Variants in SAP130 observed in about 807,000 individuals in gnomAD.
SAP130 encodes Sin3A associated protein 130, also known as histone deacetylase complex subunit SAP130.
In SAP130, 16 loss-of-function variants were observed where a neutral mutation model predicts 103.2. The ratio of observed to expected loss-of-function variants is 0.16; its 90% CI spans 0.10 to 0.24. SAP130 has a LOEUF of 0.24. Ranked by LOEUF, SAP130 falls within the 10% of genes least tolerant of loss-of-function variation. The probability of loss-of-function intolerance (pLI) is 1.00; values close to 1 mark genes in which losing one functional copy is unlikely to be tolerated. For missense variants in SAP130, 990 were observed against 1,359.7 expected, an observed-to-expected ratio of 0.73 and a Z score of 4.28; for synonymous variants, 477 against 497.0, an observed-to-expected ratio of 0.96 and a Z score of 0.53.
chr2:128,027,318 C>G (rs1685588386), intron 1 of SAP130: 1 of 1,157,720 alleles, frequency 8.6e-7, no homozygotes, highest in African/African-American at 1.6e-5. Context: ...CCCCTGCCTC[C>G]CCCGCCCGCC....
At position 127,989,333 on chromosome 2, in the gene SAP130, G is replaced by A. The variant is rs2105009647; in HGVS notation, c.1780+231C>T. 6.6e-6 allele frequency among the ~76,000 whole-genome samples: 1 copy of A among 152,038 alleles called. No individual in the cohort carries two copies. Among genetic ancestry groups the A allele is most frequent in the Admixed American group, 6.5e-5 (1 of 15,270 alleles). On this transcript the variant is annotated intron_variant, in intron 13 of 20. Coordinates refer to ENST00000643581, the MANE Select transcript of SAP130 (RefSeq NM_001330301.2). This position sits in a 1 kb window ranked among gnomAD's most constrained non-coding sequence, Gnocchi z 4.6. ...TGGATAGTCTTGATCTCCTGACCTC[G>A]TGATCCACCCGCCTCAGCCTCCCAA...
intron 15 of SAP130, among the ~76,000 whole-genome samples, chr2:127,959,353 A>G (rs534709930): frequency 2.2e-4 from 33 of 152,358 alleles, no homozygotes; most frequent in African/African-American, 7.9e-4. Flanking sequence ...AAAATCCTGT[A>G]GACAATAATT....
In SAP130 at chr2:128,016,426, G is replaced by C. The variant is rs1384923614; in HGVS notation, c.470C>G (p.Ala157Gly). The change falls in exon 4 of 21, where the codon GCT (alanine) becomes GGT (glycine). Residue 157 changes from alanine (A) to glycine (G), a missense_variant. Ala to Gly is a moderately conservative substitution (Grantham distance 60). Coordinates refer to ENST00000643581, the MANE Select transcript of SAP130 (RefSeq NM_001330301.2). The stretch of plus-strand genomic sequence containing the variant: ...GATTGTTGCCACAGGAATGGCTGAA[G>C]CTTGAGGGATGCTACTCTCCATGGT... ...TVTMESSIPQ[A>G]SAIPVATISG... 4 of 1,613,830 alleles carry C rather than the reference G, an allele frequency of 2.5e-6. No homozygotes were observed. The highest frequency in any genetic ancestry group is 2.2e-5 in the East Asian group (1 of 44,880).
intron 15 of SAP130, among the ~76,000 whole-genome samples, chr2:127,958,723 A>G (rs1680027432): frequency 6.6e-6 from 1 of 150,600 alleles, no homozygotes; most frequent in African/African-American, 2.4e-5. Context: ...GTGCAGTGGC[A>G]TGATCATGGC....
In SAP130 at chr2:127,941,870, T is replaced by A; in HGVS notation, c.*136A>T. 1 of 791,282 alleles carries A rather than the reference T, an allele frequency of 1.3e-6. No homozygotes were observed. The allele number at this position is 791,282 out of a possible 1,614,324, so 49.0% of individuals were successfully genotyped here. On this transcript the variant is annotated 3_prime_UTR_variant, in exon 21 of 21. Transcript: ENST00000643581. ...CTTTCACGCCCTTGGATGTCATGGGTTCCTCTGCTTTCACACGGGAACTAA... is the reference window on the plus strand; with the variant it reads ...CTTTCACGCCCTTGGATGTCATGGGATCCTCTGCTTTCACACGGGAACTAA...
chr2:127,972,719 G>A (rs924306395), intron 15 of SAP130, among the ~76,000 whole-genome samples: 1 of 151,894 alleles, frequency 6.6e-6, no homozygotes, highest in Admixed American at 6.6e-5. Flanking sequence ...TATGGTGCCA[G>A]TGCACTCCAG....
In SAP130 at chr2:128,010,273, G is replaced by A. The variant is rs759840847; in HGVS notation, c.865C>T (p.Leu289Phe). The A allele has an allele frequency of 6.2e-7, 1 of 1,613,554 alleles. No homozygotes were observed. Among genetic ancestry groups the A allele is most frequent in the South Asian group, 1.1e-5 (1 of 91,042 alleles). The change falls in exon 7 of 21, where the codon CTT becomes TTT. Residue 289 changes from leucine to phenylalanine, a missense_variant. This residue lies in a region of SAP130 where 336 missense variants were observed against 520.1 expected (regional missense o/e 0.65). Coordinates refer to ENST00000643581, the MANE Select transcript of SAP130 (RefSeq NM_001330301.2). ...CTTCATACTCCCCATGTATACCTAA[G>A]TGCTGAATCAGTAGCATGCGCCGCT... ...TTAAHATDSA[L>F]SRPTLSIQHP...
At chr2:128,004,041 G>A (rs1443290101) in intron 7 of SAP130, among the ~76,000 whole-genome samples, 2 of 128,090 alleles carry the variant, frequency 1.6e-5, no homozygotes, top group Non-Finnish European at 3.1e-5. Context: ...TCAGTGATCT[G>A]ACATCTACAG....
chr2:127,974,072 A>G (rs187958809), intron 15 of SAP130, among the ~76,000 whole-genome samples: 360 of 152,200 alleles, frequency 2.4e-3, no homozygotes, highest in Non-Finnish European at 4.3e-3. Flanking sequence ...GACAAACAAA[A>G]AACACTACCT....
rs552767381 is a variant in SAP130 at position 127,968,688 on chromosome 2, G to A, written c.2063+9297C>T. Among the ~76,000 whole-genome samples the A allele has an allele frequency of 4.6e-5, 7 of 152,002 alleles. No individual in the cohort carries two copies. The South Asian group carries it at 1.0e-3, about 23-fold the overall frequency. ...GCACCACTACGCCTGGCTAATTTTT[G>A]TATTTTTAGTACAGACAGGGTTTCA... On this transcript the variant is annotated intron_variant, in intron 15 of 20. Transcript: ENST00000643581.
intron 15 of SAP130, among the ~76,000 whole-genome samples, chr2:127,956,090 G>A (rs1430626108): frequency 6.6e-6 from 1 of 151,584 alleles, no homozygotes; most frequent in Non-Finnish European, 1.5e-5. Flanking sequence ...GACTGAGGTT[G>A]AGCTGATTAC....
At chr2:127,960,362 C>T (rs1680153580) in intron 15 of SAP130, among the ~76,000 whole-genome samples, 1 of 152,118 alleles carries the variant, frequency 6.6e-6, no homozygotes, top group Non-Finnish European at 1.5e-5. Context: ...CCGATACAGA[C>T]TGCGGCAGGC....
At chr2:128,024,539 T>A (rs1685367858) in intron 2 of SAP130, among the ~76,000 whole-genome samples, 1 of 151,662 alleles carries the variant, frequency 6.6e-6, no homozygotes, top group Non-Finnish European at 1.5e-5. Flanking sequence ...CATTGTGAGA[T>A]CCCCTCTTTA....
intron 6 of SAP130, among the ~76,000 whole-genome samples, chr2:128,011,967 C>T (rs1413481010): frequency 6.6e-6 from 1 of 152,158 alleles, no homozygotes; most frequent in African/African-American, 2.4e-5. Context: ...CACGCACCAC[C>T]ATGCCCAGCT....
intron 1 of SAP130, chr2:128,027,480 G>A (rs1685602434): frequency 1.1e-6 from 1 of 937,012 alleles, no homozygotes. Flanking sequence ...CTGAGCCAAT[G>A]GCAGAGGAAG....
intron 3 of SAP130, 79 bp downstream of exon 3, chr2:128,017,601 A>C: frequency 8.0e-7 from 1 of 1,257,264 alleles, no homozygotes; most frequent in South Asian, 1.3e-5. Flanking sequence ...GATACAGCCT[A>C]AGATTTTATA....
intron 2 of SAP130, among the ~76,000 whole-genome samples, chr2:128,021,377 G>A (rs1209973554): frequency 1.3e-5 from 2 of 151,368 alleles, no homozygotes; most frequent in African/African-American, 4.9e-5. Context: ...AACCCGGGAG[G>A]TGGAGGTTGC....
chr2:127,976,440 T>C (rs573356098), intron 15 of SAP130, among the ~76,000 whole-genome samples: 1 of 152,374 alleles, frequency 6.6e-6, no homozygotes, highest in Middle Eastern at 3.4e-3. Flanking sequence ...TTGTGACTGC[T>C]CTATAGCCCC....
chr2:127,992,854 A>T (rs1291100435), intron 12 of SAP130, among the ~76,000 whole-genome samples: 4 of 152,204 alleles, frequency 2.6e-5, no homozygotes, highest in Non-Finnish European at 1.5e-5. Context: ...TAAATTTTTT[A>T]AAAATATAGC....
Sources: gnomAD v4.1 joint callset for allele counts (sites outside exome capture counted in the v4.1 genomes callset) on GRCh38, gnomAD v4.1.1 for gene constraint, gnomAD v4.1.1 regional missense constraint, Gnocchi (gnomAD v3.1) non-coding constraint, MANE v1.5 for transcripts, NCBI Gene and HGNC (gene_info 2026-07-23, HGNC 2026-07-21) for gene names.